TJP1: variants seen among roughly 807,000 people sequenced by gnomAD.
The protein encoded by TJP1 is tight junction protein 1.
In TJP1, 43 loss-of-function variants were observed where a neutral mutation model predicts 194.2. The observed-to-expected ratio is 0.22, with a 90% CI of 0.17 to 0.29. TJP1 has a LOEUF of 0.29. Ranked by LOEUF, TJP1 falls within the 10% of genes least tolerant of loss-of-function variation. The probability of loss-of-function intolerance (pLI) is 1.00; values close to 1 mark genes in which losing one functional copy is unlikely to be tolerated. For synonymous variants in TJP1, 801 were observed against 779.0 expected, an observed-to-expected ratio of 1.03 and a Z score of -0.47; for missense variants, 1,971 against 2,185.7, an observed-to-expected ratio of 0.90 and a Z score of 1.96.
In TJP1 at chr15:29,701,351, G is replaced by A. The variant is rs2041527930; in HGVS notation, c.*244C>T. ...ATAAAAAAATTACAAAAATCACAAA[G>A]CAAAATATCTTTGAACCTCTAGCCA... is the stretch of plus-strand genomic sequence containing the variant. On this transcript the variant is annotated 3_prime_UTR_variant, in exon 28 of 28. Coordinates refer to ENST00000614355, the MANE Select transcript of TJP1 (RefSeq NM_001330239.4). 1 of 380,908 alleles carries A rather than the reference G, an allele frequency of 2.6e-6. No individual in the cohort carries two copies. Among genetic ancestry groups the A allele is most frequent in the Non-Finnish European group, 4.7e-6 (1 of 211,838 alleles). 23.6% of individuals were successfully genotyped at this position (380,908 alleles called of 1,614,324 possible).
At chr15:29,869,636 C>T (rs867090041) in intron 2 of TJP1, among the ~76,000 whole-genome samples, 2 of 151,916 alleles carry the variant, frequency 1.3e-5, no homozygotes, top group African/African-American at 2.4e-5. Context: ...ACTGCTGAGG[C>T]GACTTATCAG....
intron 23 of TJP1, among the ~76,000 whole-genome samples, chr15:29,712,947 C>T (rs1218331719): frequency 6.6e-6 from 1 of 152,096 alleles, no homozygotes; most frequent in African/African-American, 2.4e-5. Context: ...TGGCTTGAAA[C>T]CTGGCCAGGC....
chr15:29,759,803 T>C (rs1175649111), intron 8 of TJP1: 2 of 162,514 alleles, frequency 1.2e-5, no homozygotes, highest in Admixed American at 1.3e-4. Flanking sequence ...AGGATTTCCT[T>C]CTTTTTAAAG....
chr15:29,729,922 G>A (rs1175975739), intron 15 of TJP1, among the ~76,000 whole-genome samples: 1 of 151,944 alleles, frequency 6.6e-6, no homozygotes, highest in Non-Finnish European at 1.5e-5. Flanking sequence ...CATAATTATG[G>A]GAACAGCTAT....
chr15:29,791,805 A>T (rs2048113404), intron 2 of TJP1, among the ~76,000 whole-genome samples: 1 of 152,070 alleles, frequency 6.6e-6, no homozygotes, highest in South Asian at 2.1e-4. Flanking sequence ...TCTTTTTGAT[A>T]AAAGCCATTT....
intron 8 of TJP1, among the ~76,000 whole-genome samples, chr15:29,746,230 T>C (rs568528960): frequency 1.2e-4 from 19 of 152,040 alleles, no homozygotes; most frequent in Admixed American, 1.2e-3. Flanking sequence ...CAAAAAAAAT[T>C]GGCTGGGCGT....
chr15:29,895,127 G>T (rs1023297454), intron 2 of TJP1, among the ~76,000 whole-genome samples: 2 of 152,166 alleles, frequency 1.3e-5, no homozygotes, highest in Non-Finnish European at 2.9e-5. Context: ...ATGTCTTCAT[G>T]ACTAGCACCT....
intron 1 of TJP1, among the ~76,000 whole-genome samples, chr15:29,819,726 C>T (rs1458291008): frequency 6.6e-6 from 1 of 152,206 alleles, no homozygotes; most frequent in Non-Finnish European, 1.5e-5. Context: ...ACAACAGTGA[C>T]TGTCTCCATC....
intron 2 of TJP1, among the ~76,000 whole-genome samples, chr15:29,841,133 G>A (rs755979510): frequency 3.9e-5 from 6 of 152,164 alleles, no homozygotes; most frequent in Non-Finnish European, 8.8e-5. Context: ...GACTGGATAA[G>A]GCTGACAACA....
intron 9 of TJP1, 82 bp from the exon 10 acceptor site, chr15:29,741,518 T>C: frequency 1.1e-6 from 1 of 898,808 alleles, no homozygotes; most frequent in East Asian, 2.5e-5. Context: ...ATATGATTCA[T>C]AAGTTCAGAG....
rs114565634 is a variant in TJP1 at position 29,785,005 on chromosome 15, T to C, written c.85-11648A>G. Among the ~76,000 whole-genome samples the C allele has an allele frequency of 7.0e-3, 1,072 of 152,334 alleles. 11 individuals carry two copies. Among genetic ancestry groups the C allele is most frequent in the African/African-American group, 0.024 (1,018 of 41,572 alleles). On this transcript the variant is annotated intron_variant, in intron 2 of 27. Coordinates refer to ENST00000614355, the MANE Select transcript of TJP1 (RefSeq NM_001330239.4). ...TATTAGACTTACTAAGAGACTATCA[T>C]GGTACCTTCCCAAGGGGTTTTCAAA...
chr15:29,909,782 C>A (rs2053957836), intron 2 of TJP1, among the ~76,000 whole-genome samples: 1 of 151,972 alleles, frequency 6.6e-6, no homozygotes. Flanking sequence ...TGTCTTTATG[C>A]ACTCGGGCCA....
chr15:29,965,132 A>T (rs2056287881), intron 1 of TJP1, among the ~76,000 whole-genome samples: 1 of 152,194 alleles, frequency 6.6e-6, no homozygotes, highest in Non-Finnish European at 1.5e-5. Context: ...ATATATAAAT[A>T]TCTTCATATA....
At chr15:29,909,075 T>C (rs993393431) in intron 2 of TJP1, among the ~76,000 whole-genome samples, 4 of 149,030 alleles carry the variant, frequency 2.7e-5, no homozygotes, top group African/African-American at 7.5e-5. Flanking sequence ...GAGAATGGCA[T>C]GAACCCAGGA....
chr15:29,793,719 T>C (rs1443182880), intron 2 of TJP1, among the ~76,000 whole-genome samples: 6 of 152,278 alleles, frequency 3.9e-5, no homozygotes, highest in Non-Finnish European at 8.8e-5. Flanking sequence ...TCCACTCCTA[T>C]GATCCAATCA....
chr15:29,730,235 T>G (rs1311597343), intron 15 of TJP1, among the ~76,000 whole-genome samples: 1 of 151,944 alleles, frequency 6.6e-6, no homozygotes, highest in African/African-American at 2.4e-5. Flanking sequence ...AAAATTAACT[T>G]TCCAACTTTT....
chr15:29,921,408 T>C (rs965840504), intron 2 of TJP1, among the ~76,000 whole-genome samples: 1 of 152,174 alleles, frequency 6.6e-6, no homozygotes, highest in East Asian at 1.9e-4. Context: ...CCAACAGAGA[T>C]TTATCAGCCC....
intron 27 of TJP1, among the ~76,000 whole-genome samples, chr15:29,703,749 TCTC>T (rs1269607807): frequency 2.0e-5 from 3 of 151,928 alleles, no homozygotes; most frequent in Admixed American, 2.0e-4. Flanking sequence ...CTCAAGCAAT[TCTC>T]CTGCCTCAGC....
chr15:29,949,327 TACCTCCACCACCTCCACCACCACC>T (rs2055444387), intron 2 of TJP1, among the ~76,000 whole-genome samples: 1 of 21,220 alleles, frequency 4.7e-5, no homozygotes, highest in Admixed American at 5.0e-4. Flanking sequence ...TCACCACCAC[TACCTCCACCACCTCCACCACCACC>T]ACCTCCACCA....
Sources: allele counts gnomAD v4.1 joint callset (sites outside exome capture counted in the v4.1 genomes callset), GRCh38; gene constraint gnomAD v4.1.1; transcripts MANE v1.5; gene names NCBI Gene and HGNC (gene_info 2026-07-23, HGNC 2026-07-21).